MARCHF4: variants seen among roughly 807,000 people sequenced by gnomAD.
MARCHF4 encodes E3 ubiquitin-protein ligase MARCHF4.
In MARCHF4, 14 loss-of-function variants were observed where a neutral mutation model predicts 43.9. The ratio of observed to expected loss-of-function variants is 0.32; its 90% CI spans 0.21 to 0.50. MARCHF4 has a LOEUF of 0.50. MARCHF4 is among the 20% of genes least tolerant of loss of function. The pLI is 0.98. For synonymous variants in MARCHF4, 226 were observed against 213.3 expected, an observed-to-expected ratio of 1.06 and a Z score of -0.52; for missense variants, 468 against 536.7, an observed-to-expected ratio of 0.87 and a Z score of 1.27.
At chr2:216,355,748 C>A (rs1206805584) in intron 1 of MARCHF4, among the ~76,000 whole-genome samples, 1 of 152,220 alleles carries the variant, frequency 6.6e-6, no homozygotes, top group Non-Finnish European at 1.5e-5. Flanking sequence ...AAAGACCAGA[C>A]CCTCTGGGTT....
At chr2:216,321,177 G>T (rs1182744367) in intron 1 of MARCHF4, among the ~76,000 whole-genome samples, 2 of 151,758 alleles carry the variant, frequency 1.3e-5, no homozygotes, top group African/African-American at 4.8e-5. Context: ...AAGACTCCAG[G>T]GCTTCTCACA....
At chr2:216,303,972 AC>A (rs933718463) in intron 1 of MARCHF4, among the ~76,000 whole-genome samples, 2 of 152,148 alleles carry the variant, frequency 1.3e-5, no homozygotes, top group African/African-American at 4.8e-5. Context: ...AATGGCACCA[AC>A]AGCTACTGGA....
At chr2:216,281,306 T>G (rs1225091206) in intron 2 of MARCHF4, among the ~76,000 whole-genome samples, 1 of 152,094 alleles carries the variant, frequency 6.6e-6, no homozygotes, top group Non-Finnish European at 1.5e-5. Context: ...CAAGTGATCC[T>G]CCAGCCTCAG....
At chr2:216,266,738 C>T (rs1182283694) in intron 3 of MARCHF4, among the ~76,000 whole-genome samples, 1 of 152,166 alleles carries the variant, frequency 6.6e-6, no homozygotes, top group Non-Finnish European at 1.5e-5. Context: ...AGAACCTGGA[C>T]CAAAGCACAT....
chr2:216,345,016 A>C (rs10932655), intron 1 of MARCHF4, among the ~76,000 whole-genome samples: 64,621 of 151,524 alleles, frequency 0.43, 14,769 homozygotes, highest in East Asian at 0.79. Flanking sequence ...GAACGGCTGA[A>C]CCCAATTTTC....
intron 1 of MARCHF4, among the ~76,000 whole-genome samples, chr2:216,352,151 G>A (rs1692412729): frequency 1.3e-5 from 2 of 152,198 alleles, no homozygotes. Flanking sequence ...GCACGTCCAG[G>A]GGTTTGGGGC....
chr2:216,360,071 A>G (rs112961787), intron 1 of MARCHF4, among the ~76,000 whole-genome samples: 1 of 152,060 alleles, frequency 6.6e-6, no homozygotes. Flanking sequence ...GGAATTCTCA[A>G]AGTCAGAGAT....
intron 3 of MARCHF4, among the ~76,000 whole-genome samples, chr2:216,263,537 GAA>G (rs764634745): frequency 4.9e-5 from 7 of 141,898 alleles, no homozygotes; most frequent in Admixed American, 1.4e-4. Flanking sequence ...GAGAGAGAGA[GAA>G]AGAGAGAGAG....
intron 3 of MARCHF4, among the ~76,000 whole-genome samples, chr2:216,267,045 G>A (rs1690856665): frequency 6.6e-6 from 1 of 152,176 alleles, no homozygotes; most frequent in Non-Finnish European, 1.5e-5. Context: ...TTGCCCTTTG[G>A]AAATAGGGTA....
chr2:216,362,167 T>C (rs1426238050), intron 1 of MARCHF4, among the ~76,000 whole-genome samples: 1 of 152,152 alleles, frequency 6.6e-6, no homozygotes, highest in African/African-American at 2.4e-5. Flanking sequence ...AAGATAATGA[T>C]CACTATGATT....
chr2:216,340,834 G>A (rs369576168), intron 1 of MARCHF4, among the ~76,000 whole-genome samples: 5 of 152,298 alleles, frequency 3.3e-5, no homozygotes, highest in African/African-American at 1.2e-4. Context: ...GGCTGGCAGG[G>A]CCTTGGATGC....
intron 2 of MARCHF4, among the ~76,000 whole-genome samples, chr2:216,278,285 A>T (rs1389360832): frequency 6.6e-6 from 1 of 152,132 alleles, no homozygotes; most frequent in Non-Finnish European, 1.5e-5. Flanking sequence ...GTGCAGTGGC[A>T]CGATCTCGGC....
intron 1 of MARCHF4, among the ~76,000 whole-genome samples, chr2:216,294,213 C>G (rs1051115007): frequency 3.3e-5 from 5 of 152,234 alleles, no homozygotes; most frequent in Admixed American, 1.3e-4. Context: ...AAGGCACAGG[C>G]CCCCTGGCAA....
chr2:216,357,009 C>T (rs866958943), intron 1 of MARCHF4, among the ~76,000 whole-genome samples: 8 of 150,866 alleles, frequency 5.3e-5, no homozygotes, highest in South Asian at 2.1e-4. Context: ...GGCAACAAAG[C>T]GAGACTCTGT....
At position 216,277,659 on chromosome 2, in the gene MARCHF4, C is replaced by T; in HGVS notation, c.865+13G>A. On this transcript the variant is annotated intron_variant, in intron 3 of 3. Coordinates refer to ENST00000273067, the MANE Select transcript of MARCHF4 (RefSeq NM_020814.3). ...GTTCCCCACTTCCCATGGAGACAAACCCCCAGACCCACCTATGCACACCAC... is the reference window on the plus strand; with the variant it reads ...GTTCCCCACTTCCCATGGAGACAAATCCCCAGACCCACCTATGCACACCAC... The T allele has an allele frequency of 1.3e-6, 2 of 1,589,088 alleles. No homozygotes were observed. Among genetic ancestry groups the T allele is most frequent in the Non-Finnish European group, 8.6e-7 (1 of 1,161,558 alleles).
intron 3 of MARCHF4, among the ~76,000 whole-genome samples, chr2:216,260,984 G>A (rs1157364075): frequency 6.6e-6 from 1 of 152,196 alleles, no homozygotes; most frequent in East Asian, 1.9e-4. Context: ...TGGGAGTGAA[G>A]AGAAAGATCT....
At chr2:216,329,106 C>T (rs989849867) in intron 1 of MARCHF4, among the ~76,000 whole-genome samples, 1 of 151,524 alleles carries the variant, frequency 6.6e-6, no homozygotes, top group Admixed American at 6.6e-5. Context: ...CCCGGCCGGG[C>T]GCGGTGGCTC....
intron 3 of MARCHF4, among the ~76,000 whole-genome samples, chr2:216,268,437 G>A (rs532312242): frequency 9.2e-5 from 14 of 152,118 alleles, no homozygotes; most frequent in African/African-American, 3.1e-4. Context: ...TCATGGAGGC[G>A]GTTTCCCCCA....
chr2:216,269,732 C>T (rs1460868783), intron 3 of MARCHF4, among the ~76,000 whole-genome samples: 1 of 152,142 alleles, frequency 6.6e-6, no homozygotes, highest in Non-Finnish European at 1.5e-5. Flanking sequence ...TGTTATTATC[C>T]TATTTCATAG....
Sources: gnomAD v4.1 joint callset for allele counts (sites outside exome capture counted in the v4.1 genomes callset) on GRCh38, gnomAD v4.1.1 for gene constraint, MANE v1.5 for transcripts, NCBI Gene and HGNC (gene_info 2026-07-23, HGNC 2026-07-21) for gene names.